The following KIF15 variants were observed in gnomAD, a reference collection of about 807,000 sequenced individuals.
The protein encoded by KIF15 is kinesin-like protein KIF15.
KIF15 carries 140 observed loss-of-function variants against 190.6 expected under a neutral mutation model. The ratio of observed to expected loss-of-function variants is 0.73; its 90% CI spans 0.64 to 0.84. The LOEUF is 0.84. Among genes scored for constraint, KIF15 ranks in the 40% least tolerant of loss-of-function variants. The pLI, the probability that KIF15 is intolerant of heterozygous loss-of-function variation, is 0.00. For missense variants in KIF15, 1,372 were observed against 1,584.4 expected, an observed-to-expected ratio of 0.87 and a Z score of 2.28; for synonymous variants, 528 against 551.3, an observed-to-expected ratio of 0.96 and a Z score of 0.59.
chr3:44,797,746 G>A lies in KIF15; in HGVS notation c.975+70G>A, dbSNP rs999712878. 9 of 1,603,936 alleles carry A rather than the reference G, an allele frequency of 5.6e-6. No homozygotes were observed. In the Admixed American group the frequency reaches 6.8e-5, roughly 12 times the overall value. The stretch of plus-strand genomic sequence containing the variant: ...AAGTTGATAGTGGGACAGTCTCTCA[G>A]CCTTGGTGGCAAGAGTATACATTTT... On this transcript the variant is annotated intron_variant, in intron 9 of 34. Transcript: ENST00000326047.
intron 19 of KIF15, among the ~76,000 whole-genome samples, chr3:44,814,401 C>T (rs1043997854): frequency 1.3e-5 from 2 of 152,130 alleles, no homozygotes; most frequent in African/African-American, 4.8e-5. Flanking sequence ...CCTCCAACTC[C>T]CAGGCTCAAG....
At chr3:44,861,895 C>T (rs1040794675) in intron 6 of KIF15, 29 of 1,486,382 alleles carry the variant, frequency 2.0e-5, no homozygotes, top group Non-Finnish European at 2.4e-5. Context: ...CTGCGGGCAG[C>T]GGGTGCCAGG....
rs1320331264 is a variant in KIF15 at position 44,761,844 on chromosome 3, G to T, written c.-22G>T. The T allele has an allele frequency of 2.5e-5, 40 of 1,614,054 alleles. No homozygotes were observed. The Admixed American group carries it at 6.3e-4, about 26-fold the overall frequency. On this transcript the variant is annotated 5_prime_UTR_variant, in exon 1 of 35. Coordinates refer to ENST00000326047, the MANE Select transcript of KIF15 (RefSeq NM_020242.3). Reference sequence around the variant, plus strand: ...TGGAGGCACCGGCTGCATTGTTTTCGGGATCGAGGGGTGAGGGCGCTATGG... The same window carrying T: ...TGGAGGCACCGGCTGCATTGTTTTCTGGATCGAGGGGTGAGGGCGCTATGG...
intron 15 of KIF15, among the ~76,000 whole-genome samples, chr3:44,805,450 AC>A (rs1329912164): frequency 6.6e-6 from 1 of 152,242 alleles, no homozygotes; most frequent in Non-Finnish European, 1.5e-5. Flanking sequence ...AGTTGTTAAG[AC>A]TTTTAGGAAG....
intron 32 of KIF15, among the ~76,000 whole-genome samples, chr3:44,851,142 G>A (rs901472234): frequency 4.6e-5 from 7 of 152,108 alleles, no homozygotes; most frequent in Admixed American, 1.3e-4. Flanking sequence ...GGTGCATGCT[G>A]GTAGTCCTAG....
rs560493704 is a variant in KIF15, at chr3:44,774,431, A to C, written c.56A>C (p.Gln19Pro). ...LRSVTNGQSN[Q>P]PSNEGDAIKV... is the part of the protein sequence containing the mutation. Reference sequence around the variant, plus strand: ...AGCGTGACAAATGGTCAGTCTAACCAACCAAGGTAAGGAGAAAAATATTCT... The same window carrying C: ...AGCGTGACAAATGGTCAGTCTAACCCACCAAGGTAAGGAGAAAAATATTCT... The change falls in exon 2 of 35, where the codon CAA becomes CCA. Residue 19 changes from glutamine to proline, a missense_variant. Coordinates refer to ENST00000326047, the MANE Select transcript of KIF15 (RefSeq NM_020242.3). The C allele has an allele frequency of 1.2e-6, 2 of 1,613,128 alleles. No homozygotes were observed. The highest frequency in any genetic ancestry group is 2.2e-5 in the South Asian group (2 of 90,862).
intron 1 of KIF15, among the ~76,000 whole-genome samples, chr3:44,773,525 C>T (rs1026707924): frequency 2.0e-5 from 3 of 152,034 alleles, no homozygotes; most frequent in Non-Finnish European, 4.4e-5. Flanking sequence ...TAGAACACCC[C>T]CAACATTGTA....
chr3:44,780,784 A>G (rs1181661254), intron 4 of KIF15, 101 bp from the exon 5 acceptor site: 4 of 707,314 alleles, frequency 5.7e-6, no homozygotes, highest in Non-Finnish European at 9.4e-6. Context: ...AAAGAAAATA[A>G]GCTAACTTTT....
At chr3:44,863,958 T>TG in intron 6 of KIF15, 1 of 530,440 alleles carries the variant, frequency 1.9e-6, no homozygotes, top group Non-Finnish European at 3.4e-6. Flanking sequence ...CAAGATCATA[T>TG]GGCCAGCAAG....
Position 44,826,279 on chromosome 3 carries a change from C to G in KIF15, c.2700+90C>G. 3 of 1,555,504 alleles carry G rather than the reference C, an allele frequency of 1.9e-6. No homozygotes were observed. In the South Asian group the frequency reaches 3.6e-5, roughly 19 times the overall value. ...TGTCCTTTCCTCCTTCTTTGCTATA[C>G]TTGCCCACAGTGCCTGCCACATAGA... On this transcript the variant is annotated intron_variant, in intron 21 of 34. Transcript: ENST00000326047.
Position 44,786,531 on chromosome 3 carries a change from G to A in KIF15, c.596G>A (p.Gly199Asp). The change falls in exon 7 of 35, where the codon GGT (glycine) becomes GAT (aspartate). Residue 199 changes from glycine to aspartate, a missense_variant. Transcript: ENST00000326047. ...EHIKKGVFVV[G>D]AVEQVVTSAA... ...ATCAAGAAGGGAGTCTTTGTTGTTG[G>A]TGCGGTGGAGCAGGTGGTAACCTCA... 6.2e-7 allele frequency: 1 copy of A among 1,613,004 alleles called. No individual in the cohort carries two copies. Among genetic ancestry groups the A allele is most frequent in the South Asian group, 1.1e-5 (1 of 90,902 alleles).
At chr3:44,783,610 G>A (rs1304002212) in intron 5 of KIF15, among the ~76,000 whole-genome samples, 1 of 151,814 alleles carries the variant, frequency 6.6e-6, no homozygotes, top group African/African-American at 2.4e-5. Context: ...TTCTTCAATG[G>A]GAAAATGATG....
intron 32 of KIF15, among the ~76,000 whole-genome samples, chr3:44,850,816 A>C (rs1471875036): frequency 1.3e-5 from 2 of 152,206 alleles, no homozygotes; most frequent in East Asian, 3.8e-4. Context: ...TCATCTTAGC[A>C]ATCAACCGCT....
chr3:44,836,074 C>T (rs746061436), intron 26 of KIF15, among the ~76,000 whole-genome samples: 13 of 152,212 alleles, frequency 8.5e-5, no homozygotes, highest in South Asian at 2.1e-4. Context: ...GGGATGGGCA[C>T]GGTGACTCAC....
chr3:44,813,630 G>GTTTTTT (rs561892613), intron 19 of KIF15, among the ~76,000 whole-genome samples: 1 of 123,066 alleles, frequency 8.1e-6, no homozygotes, highest in Non-Finnish European at 1.7e-5. Flanking sequence ...TGTTTGTTTT[G>GTTTTTT]TTTTTTTTTT....
chr3:44,800,225 C>T, intron 10 of KIF15, 89 bp from the exon 11 acceptor site: 1 of 1,213,480 alleles, frequency 8.2e-7, no homozygotes, highest in East Asian at 2.5e-5. Context: ...TGATGTTCAT[C>T]ACTACAAATC....
At chr3:44,777,265 T>C (rs938724702) in intron 3 of KIF15, among the ~76,000 whole-genome samples, 1 of 152,154 alleles carries the variant, frequency 6.6e-6, no homozygotes, top group Non-Finnish European at 1.5e-5. Context: ...CCCTAAGTGC[T>C]AGGATTACAG....
Position 44,852,053 on chromosome 3 carries a change from A to G in KIF15, c.3972+101A>G. On this transcript the variant is annotated intron_variant, in intron 33 of 34. Coordinates refer to ENST00000326047, the MANE Select transcript of KIF15 (RefSeq NM_020242.3). ...TTGTGATTGGGTGTCCTTAGTTCAG[A>G]GTTGCTTTATTGTATGAAGAGTTGT... 9 of 1,453,124 alleles carry G rather than the reference A, an allele frequency of 6.2e-6. 1 individual carries two copies. The South Asian group carries it at 1.2e-4, about 20-fold the overall frequency. The allele number at this position is 1,453,124 out of a possible 1,614,324, so 90.0% of individuals were successfully genotyped here.
chr3:44,848,608 C>T (rs1429112845), intron 32 of KIF15, 50 bp downstream of exon 32: 1 of 916,118 alleles, frequency 1.1e-6, no homozygotes, highest in Non-Finnish European at 1.7e-6. Context: ...TTTCCTTATT[C>T]TCCTCTAAAG....
Sources: gnomAD v4.1 joint callset for allele counts (sites outside exome capture counted in the v4.1 genomes callset) on GRCh38, gnomAD v4.1.1 for gene constraint, MANE v1.5 for transcripts, NCBI Gene and HGNC (gene_info 2026-07-23, HGNC 2026-07-21) for gene names.